Variants in USH2A observed in about 807,000 individuals in gnomAD.
USH2A encodes usherin.
A neutral mutation model predicts 538.9 loss-of-function variants in USH2A; 443 were observed. The observed-to-expected ratio is 0.82, with a 90% CI of 0.76 to 0.89. The LOEUF (loss-of-function observed/expected upper bound fraction) is 0.89. Among genes scored for constraint, USH2A ranks in the 40% least tolerant of loss-of-function variants. The pLI, the probability that USH2A is intolerant of heterozygous loss-of-function variation, is 0.00. For synonymous variants in USH2A, 2,413 were observed against 2,273.5 expected (o/e 1.06, Z -1.75); for missense variants, 6,633 against 6,324.8 (o/e 1.05, Z -1.65).
chr1:216,137,027 T>C (rs562071295), intron 21 of USH2A, among the ~76,000 whole-genome samples: 53 of 152,278 alleles, frequency 3.5e-4, no homozygotes, highest in Non-Finnish European at 2.6e-4. Flanking sequence ...TTAGGATGAT[T>C]TTCCCATGTC....
Position 216,369,496 on chromosome 1 carries a change from A to C in USH2A, c.652-4411T>G, listed in dbSNP as rs567220729. On this transcript the variant is annotated intron_variant, in intron 3 of 71. Transcript: ENST00000307340. ...CTTAATCTCATGATGTGTTCAAGCT[A>C]TTTCCATATAGGCACTTAACTAAAT... Among the ~76,000 whole-genome samples the C allele has an allele frequency of 9.7e-4, 147 of 152,186 alleles. 1 individual carries two copies. The highest frequency in any genetic ancestry group is 1.6e-3 in the Non-Finnish European group (106 of 68,038).
chr1:216,034,647 C>T (rs75526653), intron 32 of USH2A, among the ~76,000 whole-genome samples: 2,698 of 152,018 alleles, frequency 0.018, 69 homozygotes, highest in African/African-American at 0.061. Context: ...ATTGGGGTGA[C>T]GCAACTGCAA....
At chr1:215,725,175 A>G (rs908290081) in intron 61 of USH2A, among the ~76,000 whole-genome samples, 1 of 152,114 alleles carries the variant, frequency 6.6e-6, no homozygotes, top group African/African-American at 2.4e-5. Flanking sequence ...TAAAAATACT[A>G]AAAATAGTGT....
At chr1:215,841,625 A>T (rs1262025905) in intron 46 of USH2A, among the ~76,000 whole-genome samples, 1 of 152,256 alleles carries the variant, frequency 6.6e-6, no homozygotes, top group Non-Finnish European at 1.5e-5. Flanking sequence ...CATTCAGGAC[A>T]TAGGCACAGG....
rs867842411 is a variant in USH2A at position 215,993,090 on chromosome 1, T to C, written c.6735A>G (p.Pro2245=). 6.2e-7 allele frequency: 1 copy of C among 1,614,104 alleles called. No individual in the cohort carries two copies. Among genetic ancestry groups the C allele is most frequent in the Middle Eastern group, 1.7e-4 (1 of 6,056 alleles). The change falls in exon 35 of 72, where the codon CCA becomes CCG. Residue 2245 remains proline (P), a synonymous_variant. Coordinates refer to ENST00000307340, the MANE Select transcript of USH2A (RefSeq NM_206933.4). ...LTDEDIPEGV[P]APKAHSYSPD... Reference sequence around the variant, plus strand: ...GTGAATATGAGTGGGCTTTGGGGGCTGGCACGCCTTCGGGTATGTCCTCGT... The same window carrying C: ...GTGAATATGAGTGGGCTTTGGGGGCCGGCACGCCTTCGGGTATGTCCTCGT...
At chr1:216,041,427 T>C (rs2030268262) in intron 32 of USH2A, among the ~76,000 whole-genome samples, 1 of 152,112 alleles carries the variant, frequency 6.6e-6, no homozygotes, top group Non-Finnish European at 1.5e-5. Context: ...AAGTGGCTTC[T>C]GAATTGAAAT....
Position 216,059,447 on chromosome 1 carries a change from A to C in USH2A, c.6049+10654T>G, listed in dbSNP as rs556387676. On this transcript the variant is annotated intron_variant, in intron 30 of 71. Coordinates refer to ENST00000307340, the MANE Select transcript of USH2A (RefSeq NM_206933.4). ...AATGAGTATCACTTCTTTGTCAATG[A>C]CTGGGAAACCCTAAAATTATTCAAA... 8.5e-5 allele frequency among the ~76,000 whole-genome samples: 13 copies of C among 152,318 alleles called. No homozygotes were observed. In the South Asian group the frequency reaches 2.7e-3, roughly 32 times the overall value.
At chr1:216,141,344 TG>T (rs1232910258) in intron 21 of USH2A, among the ~76,000 whole-genome samples, 1 of 152,178 alleles carries the variant, frequency 6.6e-6, no homozygotes, top group African/African-American at 2.4e-5. Flanking sequence ...CCAGGTGCTG[TG>T]GGCTCCCTGG....
intron 64 of USH2A, among the ~76,000 whole-genome samples, chr1:215,655,993 C>T (rs1415848973): frequency 6.6e-6 from 1 of 152,124 alleles, no homozygotes; most frequent in Non-Finnish European, 1.5e-5. Flanking sequence ...CTCCGCCTCA[C>T]AAAGTGCTGG....
chr1:215,929,224 A>G (rs1666305787), intron 38 of USH2A, among the ~76,000 whole-genome samples: 1 of 152,158 alleles, frequency 6.6e-6, no homozygotes, highest in Non-Finnish European at 1.5e-5. Flanking sequence ...TATATTTAAT[A>G]AGTAGCTCTA....
At chr1:215,667,592 A>T (rs1293164423) in intron 64 of USH2A, among the ~76,000 whole-genome samples, 1 of 151,880 alleles carries the variant, frequency 6.6e-6, no homozygotes, top group South Asian at 2.1e-4. Context: ...CCCAGCTACC[A>T]GGAGGCTGAG....
At chr1:216,031,388 A>G (rs900378409) in intron 32 of USH2A, among the ~76,000 whole-genome samples, 2 of 152,160 alleles carry the variant, frequency 1.3e-5, no homozygotes, top group Admixed American at 6.6e-5. Context: ...AACACTATTT[A>G]AAAGGATTTA....
chr1:215,728,322 A>T lies in USH2A; in HGVS notation c.11774T>A (p.Phe3925Tyr), dbSNP rs755214337. 6.2e-7 allele frequency: 1 copy of T among 1,614,134 alleles called. No individual in the cohort carries two copies. The highest frequency in any genetic ancestry group is 8.5e-7 in the Non-Finnish European group (1 of 1,180,014). ...CCTCAGGGTGTCTCCTTCATCCATA[A>T]ATTCAAGGGCTCCTTCTGACCAGAC... Reference protein sequence around the residue: ...LFVWSEGALEFMDEGDTLRPF... With the variant: ...LFVWSEGALEYMDEGDTLRPF... Residue 3925 changes from phenylalanine to tyrosine, a missense_variant, in exon 61 of 72, where the codon TTT (phenylalanine) becomes TAT (tyrosine). Physicochemically the swap from Phe to Tyr is conservative, Grantham distance 22. Coordinates refer to ENST00000307340, the MANE Select transcript of USH2A (RefSeq NM_206933.4).
intron 61 of USH2A, among the ~76,000 whole-genome samples, chr1:215,693,404 G>A (rs1032436376): frequency 2.6e-5 from 4 of 151,996 alleles, no homozygotes; most frequent in Non-Finnish European, 4.4e-5. Context: ...GATTTGTATT[G>A]TTATACATAA....
At chr1:216,089,445 G>T (rs1056207394) in intron 22 of USH2A, among the ~76,000 whole-genome samples, 1 of 151,970 alleles carries the variant, frequency 6.6e-6, no homozygotes, top group East Asian at 1.9e-4. Context: ...GAAGGGTAAA[G>T]AATTTTCTAT....
At chr1:216,110,874 G>A (rs1031218602) in intron 21 of USH2A, among the ~76,000 whole-genome samples, 3 of 152,162 alleles carry the variant, frequency 2.0e-5, no homozygotes, top group African/African-American at 2.4e-5. Context: ...CGAAGAGAAA[G>A]CACTTTCTTG....
chr1:216,247,281 T>C, intron 12 of USH2A, 55 bp from the exon 13 acceptor site: 4 of 1,600,874 alleles, frequency 2.5e-6, no homozygotes, highest in Non-Finnish European at 3.4e-6. Context: ...TCATTCAAGA[T>C]AGACGAGACA....
chr1:215,824,657 A>T (rs1267753383), intron 47 of USH2A, among the ~76,000 whole-genome samples: 1 of 152,120 alleles, frequency 6.6e-6, no homozygotes, highest in Non-Finnish European at 1.5e-5. Flanking sequence ...CCATCTCCCC[A>T]CATTGTCTCT....
chr1:216,199,852 C>A lies in USH2A; in HGVS notation c.3586G>T (p.Val1196Phe). The A allele has an allele frequency of 1.2e-6, 2 of 1,614,114 alleles. No individual in the cohort carries two copies. Among genetic ancestry groups the A allele is most frequent in the South Asian group, 2.2e-5 (2 of 91,084 alleles). Reference sequence around the variant, plus strand: ...GAGGTTTCATGACCTTCGTAGGAAACACATGGCTGACCACCAGCCAAAGGG... The same window carrying A: ...GAGGTTTCATGACCTTCGTAGGAAAAACATGGCTGACCACCAGCCAAAGGG... ...CAPLAGGQPC[V>F]SYEGHETSAT... The change falls in exon 17 of 72, where the codon GTT (valine) becomes TTT (phenylalanine). Residue 1196 changes from valine to phenylalanine, a missense_variant. Physicochemically the swap from Val to Phe is conservative, Grantham distance 50 (BLOSUM62 -1). Coordinates refer to ENST00000307340, the MANE Select transcript of USH2A (RefSeq NM_206933.4).
Sources: allele counts gnomAD v4.1 joint callset (sites outside exome capture counted in the v4.1 genomes callset), GRCh38; gene constraint gnomAD v4.1.1; transcripts MANE v1.5; gene names NCBI Gene and HGNC (gene_info 2026-07-23, HGNC 2026-07-21).